Variants in SPATA16 observed in about 807,000 individuals in gnomAD.
The protein encoded by SPATA16 is spermatogenesis associated 16, also known as spermatogenesis-associated protein 16.
SPATA16 carries 36 observed loss-of-function variants against 63.3 expected under a neutral mutation model. The observed-to-expected ratio is 0.57, with a 90% confidence interval of 0.44 to 0.75. The LOEUF (loss-of-function observed/expected upper bound fraction) is 0.75. SPATA16 is among the 30% of genes least tolerant of loss of function. SPATA16 has a pLI of 0.00. For missense variants in SPATA16, 646 were observed against 679.3 expected (o/e 0.95, Z 0.54); for synonymous variants, 203 against 216.7 (o/e 0.94, Z 0.56).
intron 1 of SPATA16, among the ~76,000 whole-genome samples, chr3:173,122,331 G>T (rs1183185887): frequency 6.6e-6 from 1 of 151,840 alleles, no homozygotes; most frequent in African/African-American, 2.4e-5. Flanking sequence ...GTTCTATGTG[G>T]GAGTTTCTAT....
intron 4 of SPATA16, among the ~76,000 whole-genome samples, chr3:172,996,515 CA>C (rs1734696357): frequency 6.6e-6 from 1 of 152,006 alleles, no homozygotes; most frequent in African/African-American, 2.4e-5. Flanking sequence ...ACTTTAGGTT[CA>C]AAGCAAAATT....
chr3:173,022,114 TG>T (rs1303750277), intron 3 of SPATA16, among the ~76,000 whole-genome samples: 1 of 151,982 alleles, frequency 6.6e-6, no homozygotes, highest in Non-Finnish European at 1.5e-5. Flanking sequence ...AGAAGATTTT[TG>T]TGAGTAGTGA....
intron 4 of SPATA16, among the ~76,000 whole-genome samples, chr3:172,984,951 G>T (rs1734411385): frequency 6.6e-6 from 1 of 152,112 alleles, no homozygotes. Flanking sequence ...AAGAAGCTGA[G>T]GTTTAAGGAA....
In SPATA16 at chr3:173,127,437, A is replaced by T. The variant is rs946217720; in HGVS notation, c.-18-9688T>A. 2.0e-5 allele frequency among the ~76,000 whole-genome samples: 3 copies of T among 152,172 alleles called. No homozygotes were observed. In the East Asian group the frequency reaches 5.8e-4, roughly 29 times the overall value. On this transcript the variant is annotated intron_variant, in intron 1 of 10. Transcript: ENST00000351008. ...TGCCTATTTTGTCAGTTGTCTCAAT[A>T]ATGTCCTCTTAGGATTTCTTTTTTC...
intron 2 of SPATA16, among the ~76,000 whole-genome samples, chr3:173,078,399 T>A (rs543019275): frequency 6.6e-6 from 1 of 152,136 alleles, no homozygotes; most frequent in African/African-American, 2.4e-5. Flanking sequence ...AGAGGACAAA[T>A]GTATTGAAAA....
In SPATA16 at chr3:172,953,634, C is replaced by G. The variant is rs141634469; in HGVS notation, c.1081+3043G>C. ...ATAAATGAATCCATCAGGTCCTGCT[C>G]AAGACGCCAGAGCTGATCTCAGGTA... On this transcript the variant is annotated intron_variant, in intron 6 of 10. Transcript: ENST00000351008. Among the ~76,000 whole-genome samples, 265 of 152,290 alleles carry G rather than the reference C, an allele frequency of 1.7e-3. 1 individual carries two copies. Among genetic ancestry groups the G allele is most frequent in the Middle Eastern group, 0.014 (4 of 294 alleles).
intron 2 of SPATA16, among the ~76,000 whole-genome samples, chr3:173,101,197 T>C (rs959850997): frequency 4.6e-5 from 7 of 152,150 alleles, no homozygotes; most frequent in Admixed American, 2.0e-4. Context: ...GCCTAGATCA[T>C]TGACCAATTG....
chr3:172,961,795 C>G (rs917705667), intron 5 of SPATA16, among the ~76,000 whole-genome samples: 7 of 152,024 alleles, frequency 4.6e-5, no homozygotes, highest in Non-Finnish European at 8.8e-5. Flanking sequence ...ATGACTTTAC[C>G]TCGCAGGCAC....
At chr3:172,988,417 G>A (rs1251166846) in intron 4 of SPATA16, among the ~76,000 whole-genome samples, 2 of 152,068 alleles carry the variant, frequency 1.3e-5, no homozygotes, top group Non-Finnish European at 2.9e-5. Flanking sequence ...TGTGTAGTAC[G>A]TGGGCTGTCC....
At position 173,019,536 on chromosome 3, in the gene SPATA16, A is replaced by C. The variant is rs1302369790; in HGVS notation, c.798T>G (p.Leu266=). 6.2e-7 allele frequency: 1 copy of C among 1,614,120 alleles called. No homozygotes were observed. The highest frequency in any genetic ancestry group is 1.1e-5 in the South Asian group (1 of 91,080). Residue 266 remains leucine, a synonymous_variant, in exon 4 of 11, where the codon CTT becomes CTG. Coordinates refer to ENST00000351008, the MANE Select transcript of SPATA16 (RefSeq NM_031955.6). ...VLNPAYFRNH[L]RQATVFRCLE... ...GACATCTAAACACTGTTGCTTGACG[A>C]AGATGATTCCGGAAATAGGCTGGGT...
Position 173,117,588 on chromosome 3 carries a change from C to A in SPATA16, c.144G>T (p.Lys48Asn), listed in dbSNP as rs1372959663. Residue 48 changes from lysine to asparagine, a missense_variant, in exon 2 of 11, where the codon AAG becomes AAT. By Grantham distance (94) the Lys-to-Asn change is moderately conservative. Transcript: ENST00000351008. ...PNILEMSQEIKKNCGGKQVEI... is the reference protein window; with the variant it reads ...PNILEMSQEINKNCGGKQVEI... ...CTACCTGTTTACCTCCACAGTTTTT[C>A]TTAATCTCTTGTGACATTTCCAGGA... 1 of 1,613,458 alleles carries A rather than the reference C, an allele frequency of 6.2e-7. No individual in the cohort carries two copies. Among genetic ancestry groups the A allele is most frequent in the Admixed American group, 1.7e-5 (1 of 59,910 alleles).
chr3:173,036,127 G>A (rs1459912707), intron 3 of SPATA16, among the ~76,000 whole-genome samples: 1 of 151,962 alleles, frequency 6.6e-6, no homozygotes, highest in African/African-American at 2.4e-5. Flanking sequence ...TTTGTGAGCT[G>A]ACTTAGGCAC....
chr3:172,889,474 T>C lies in SPATA16; in HGVS notation c.*96A>G. The C allele has an allele frequency of 6.4e-7, 1 of 1,574,136 alleles. No individual in the cohort carries two copies. The highest frequency in any genetic ancestry group is 8.7e-7 in the Non-Finnish European group (1 of 1,150,162). On this transcript the variant is annotated 3_prime_UTR_variant, in exon 11 of 11. Coordinates refer to ENST00000351008, the MANE Select transcript of SPATA16 (RefSeq NM_031955.6). ...ACCTCTTTCTTTTGGTGACAAGCTT[T>C]TGTTATCCAGCTTCACAGTACTAGG...
At chr3:172,921,651 A>C (rs1359824001) in intron 8 of SPATA16, among the ~76,000 whole-genome samples, 1 of 152,218 alleles carries the variant, frequency 6.6e-6, no homozygotes, top group Non-Finnish European at 1.5e-5. Context: ...TGGATAAAGA[A>C]AAAAAGAAGG....
At chr3:173,013,032 A>G (rs1311730784) in intron 4 of SPATA16, among the ~76,000 whole-genome samples, 1 of 152,216 alleles carries the variant, frequency 6.6e-6, no homozygotes. Context: ...GACAAGGTCT[A>G]ATATCCAGAA....
intron 10 of SPATA16, among the ~76,000 whole-genome samples, chr3:172,911,800 T>G (rs553742710): frequency 6.6e-6 from 1 of 152,310 alleles, no homozygotes; most frequent in South Asian, 2.1e-4. Flanking sequence ...TGTGGCTTCC[T>G]GAATATTTCT....
At chr3:173,133,946 T>C (rs1449805517) in intron 1 of SPATA16, among the ~76,000 whole-genome samples, 12 of 151,912 alleles carry the variant, frequency 7.9e-5, no homozygotes, top group Non-Finnish European at 1.8e-4. Flanking sequence ...AAATTAACCA[T>C]AGCTCACTCA....
intron 4 of SPATA16, among the ~76,000 whole-genome samples, chr3:173,013,705 C>T (rs1735121379): frequency 1.3e-5 from 2 of 152,226 alleles, no homozygotes; most frequent in African/African-American, 4.8e-5. Flanking sequence ...ATAACCTTCA[C>T]TATGGCACCC....
intron 4 of SPATA16, among the ~76,000 whole-genome samples, chr3:172,980,948 G>T (rs2108254216): frequency 6.6e-6 from 1 of 152,228 alleles, no homozygotes; most frequent in East Asian, 1.9e-4. Context: ...ACTCATTCCA[G>T]CAGGGCTATC....
Sources: allele counts gnomAD v4.1 joint callset (sites outside exome capture counted in the v4.1 genomes callset), GRCh38; gene constraint gnomAD v4.1.1; transcripts MANE v1.5; gene names NCBI Gene and HGNC (gene_info 2026-07-23, HGNC 2026-07-21).